Variants in RPS24 observed in about 807,000 individuals in gnomAD.
RPS24 encodes ribosomal protein S24.
For synonymous variants in RPS24, 72 were observed against 55.6 expected, an observed-to-expected ratio of 1.30 and a Z score of -1.31; for missense variants, 100 against 162.5, an observed-to-expected ratio of 0.62 and a Z score of 2.09.
At chr10:78,042,752 G>T (rs192102642), downstream of RPS24, among the ~76,000 whole-genome samples, 168 of 152,260 alleles carry the variant, frequency 1.1e-3, no homozygotes, top group African/African-American at 3.8e-3. Context: ...TTCTGGGAAG[G>T]TACCTGCAGT....
Position 78,033,894 on chromosome 10 carries a change from T to A in RPS24, c.-8T>A, listed in dbSNP as rs185722293. ...TCCTCCTTGGCTGTCTGAAGATAGA[T>A]CGCCATCATGGTGAGTCTCCCTGGG... On this transcript the variant is annotated 5_prime_UTR_variant, in exon 1 of 6. Transcript: ENST00000372360. 1.4e-5 allele frequency: 22 copies of A among 1,614,106 alleles called. No homozygotes were observed. In the Admixed American group the frequency reaches 2.8e-4, roughly 21 times the overall value.
intron 1 of RPS24, 118 bp downstream of exon 1, chr10:78,034,022 C>T (rs190520176): frequency 3.8e-6 from 5 of 1,304,354 alleles, no homozygotes; most frequent in Non-Finnish European, 5.6e-6. Flanking sequence ...CTGGCCGTTT[C>T]TGTCAGAGGA....
rs1847888189 is a variant in RPS24 at position 78,037,175 on chromosome 10, G to A, written c.280-19G>A. 1 of 1,589,118 alleles carries A rather than the reference G, an allele frequency of 6.3e-7. No homozygotes were observed. The highest frequency in any genetic ancestry group is 1.1e-5 in the South Asian group (1 of 87,310). ...TTTAATGTTTACAAGTCACCTGGAT[G>A]TACTCTTTTCTCATTCAGCATGGCC... On this transcript the variant is annotated intron_variant, in intron 3 of 5. Transcript: ENST00000372360.
Position 78,054,496 on chromosome 10 carries a change from C to T in RPS24, c.391-35C>T, listed in dbSNP as rs1434155058. The T allele has an allele frequency of 5.3e-6, 8 of 1,500,594 alleles. No individual in the cohort carries two copies. The East Asian group carries it at 7.4e-5, about 14-fold the overall frequency. The allele number at this position is 1,500,594 out of a possible 1,614,324, so 93.0% of individuals were successfully genotyped here. A position where few individuals can be genotyped will look rare whatever the true frequency, so the allele number is the denominator to read the frequency against. On this transcript the variant is annotated intron_variant, in intron 4 of 4. Transcript: ENST00000440692. ...GGCGGCTGGAAGGCACCTGGACAAT[C>T]CTCTGAGACTATTCTCTCCTTCCCG...
intron 4 of RPS24, chr10:78,049,085 G>A (rs1283415825): frequency 1.3e-5 from 2 of 152,140 alleles, no homozygotes; most frequent in South Asian, 2.1e-4. Context: ...GGCACAGAGG[G>A]TAGATGACTT....
chr10:78,044,842 A>G (rs974575819), downstream of RPS24, among the ~76,000 whole-genome samples: 1 of 151,304 alleles, frequency 6.6e-6, no homozygotes, highest in African/African-American at 2.4e-5. Flanking sequence ...TTGGAGAATT[A>G]GATGTTCTGC....
downstream of RPS24, chr10:78,040,776 A>G: frequency 1.0e-6 from 1 of 982,402 alleles, no homozygotes; most frequent in Admixed American, 2.0e-5. Flanking sequence ...GTTGCTGTCC[A>G]AGTTCACATG....
At chr10:78,043,919 C>T (rs1217497604), downstream of RPS24, among the ~76,000 whole-genome samples, 1 of 151,968 alleles carries the variant, frequency 6.6e-6, no homozygotes, top group Non-Finnish European at 1.5e-5. Context: ...ATCAGAAGGT[C>T]AATAGTAGCC....
At chr10:78,054,682 G>A in exon 5 of RPS24, 1 of 1,551,742 alleles carries the variant, frequency 6.4e-7, no homozygotes, top group South Asian at 1.2e-5. Flanking sequence ...ACATGTGGCA[G>A]ATTGCGGAGG....
In RPS24 at chr10:78,035,356, A is replaced by G; in HGVS notation, c.8A>G (p.Asp3Gly). 1 of 1,614,130 alleles carries G rather than the reference A, an allele frequency of 6.2e-7. No individual in the cohort carries two copies. The highest frequency in any genetic ancestry group is 8.5e-7 in the Non-Finnish European group (1 of 1,179,970). Residue 3 changes from aspartate (D) to glycine (G), a missense_variant, in exon 2 of 6, where the codon GAC becomes GGC. Coordinates refer to ENST00000372360, the MANE Select transcript of RPS24 (RefSeq NM_033022.4). Reference sequence around the variant, plus strand: ...CCAGAGTGTTTATGTTTTCAGAACGACACCGTAACTATCCGCACTAGAAAG... The same window carrying G: ...CCAGAGTGTTTATGTTTTCAGAACGGCACCGTAACTATCCGCACTAGAAAG... MN[D>G]TVTIRTRKFM...
chr10:78,035,968 T>A (rs1404920054), intron 3 of RPS24: 1 of 500,242 alleles, frequency 2.0e-6, no homozygotes, highest in East Asian at 3.8e-5. Flanking sequence ...GGGTAAGGAT[T>A]GTTTTCCAGA....
intron 4 of RPS24, among the ~76,000 whole-genome samples, chr10:78,048,087 GT>G (rs1449558421): frequency 6.6e-6 from 1 of 152,166 alleles, no homozygotes; most frequent in Admixed American, 6.5e-5. Flanking sequence ...AGACTGCCTT[GT>G]GCTTTTCAAG....
At position 78,049,708 on chromosome 10, in the gene RPS24, G is replaced by GC. The variant is rs139862809; in HGVS notation, c.391-4822dup. ...CCACAGTGGTGCTAGTGCAAGGTCA[G>GC]CATCTCCTTGACCCTAAGAGCACCT... On this transcript the variant is annotated intron_variant, in intron 4 of 4. Coordinates refer to the RPS24 transcript ENST00000440692. 6.1e-3 allele frequency among the ~76,000 whole-genome samples: 933 copies of GC among 152,348 alleles called. 11 individuals are homozygous for GC. The highest frequency in any genetic ancestry group is 0.022 in the African/African-American group (896 of 41,574).
intron 4 of RPS24, among the ~76,000 whole-genome samples, chr10:78,053,957 G>A (rs1395381725): frequency 6.6e-6 from 1 of 152,146 alleles, no homozygotes; most frequent in Non-Finnish European, 1.5e-5. Flanking sequence ...GCTTCCTGGG[G>A]AAGGGGGATT....
downstream of RPS24, among the ~76,000 whole-genome samples, chr10:78,043,949 C>T (rs982560853): frequency 3.5e-5 from 5 of 141,186 alleles, no homozygotes; most frequent in South Asian, 2.2e-4. Flanking sequence ...ACCATGCCTA[C>T]GTCATTTACC....
At chr10:78,041,632 C>T (rs1195433300), downstream of RPS24, among the ~76,000 whole-genome samples, 1 of 152,066 alleles carries the variant, frequency 6.6e-6, no homozygotes, top group South Asian at 2.1e-4. Context: ...GATGCAGTTT[C>T]CTGTGACTGA....
chr10:78,055,086 G>A lies in RPS24; in HGVS notation c.*76G>A, dbSNP rs532561240. 6.9e-6 allele frequency: 10 copies of A among 1,445,618 alleles called. No individual in the cohort carries two copies. The African/African-American group carries it at 7.2e-5, about 10-fold the overall frequency. 89.5% of individuals were successfully genotyped at this position (1,445,618 alleles called of 1,614,324 possible). On this transcript the variant is annotated 3_prime_UTR_variant, in exon 5 of 5. Transcript: ENST00000440692. ...CACCTTCTTCTCCACTCAGCAGCCA[G>A]CAGGGCACTGTGGAAATCGGAGTCA...
chr10:78,039,021 G>C (rs1847936050), intron 4 of RPS24: 1 of 152,164 alleles, frequency 6.6e-6, no homozygotes, highest in Non-Finnish European at 1.5e-5. Flanking sequence ...GGCGTAGTGG[G>C]ATTTTGAATC....
At chr10:78,050,366 T>G (rs974479003) in intron 4 of RPS24, among the ~76,000 whole-genome samples, 1 of 152,196 alleles carries the variant, frequency 6.6e-6, no homozygotes, top group African/African-American at 2.4e-5. Flanking sequence ...GAGGAGCACC[T>G]GCTGGGAAGG....
Sources: allele counts gnomAD v4.1 joint callset (sites outside exome capture counted in the v4.1 genomes callset), GRCh38; gene constraint gnomAD v4.1.1; transcripts MANE v1.5; gene names NCBI Gene and HGNC (gene_info 2026-07-23, HGNC 2026-07-21).